The following CNTN1 variants were observed in gnomAD, a reference collection of about 807,000 sequenced individuals.
CNTN1 encodes contactin-1.
In CNTN1, 38 loss-of-function variants were observed where a neutral mutation model predicts 126.4. The ratio of observed to expected loss-of-function variants is 0.30; its 90% CI spans 0.23 to 0.39. CNTN1 has a LOEUF of 0.39. Ranked by LOEUF, CNTN1 falls within the 10% of genes least tolerant of loss-of-function variation. CNTN1 has a pLI of 1.00. For missense variants in CNTN1, 1,009 were observed against 1,248.4 expected (o/e 0.81, Z 2.89); for synonymous variants, 413 against 422.6 (o/e 0.98, Z 0.28).
In CNTN1 at chr12:40,908,453, C is replaced by T. The variant is rs757099160; in HGVS notation, c.21C>T (p.Val7=). MKMWLL[V]SHLVIISITT... ...ACAAGATGAAAATGTGGTTGCTGGT[C>T]AGTCATCTTGTGATAATATCTATTA... The change falls in exon 2 of 24, where the codon GTC becomes GTT. Residue 7 remains valine, a synonymous_variant. Coordinates refer to ENST00000551295, the MANE Select transcript of CNTN1 (RefSeq NM_001843.4). The T allele has an allele frequency of 5.0e-6, 8 of 1,612,694 alleles. No homozygotes were observed. The highest frequency in any genetic ancestry group is 2.2e-5 in the East Asian group (1 of 44,800).
chr12:40,921,720 A>G (rs1212221301), intron 4 of CNTN1, among the ~76,000 whole-genome samples: 2 of 152,124 alleles, frequency 1.3e-5, no homozygotes, highest in African/African-American at 4.8e-5. Context: ...TAAAAACCCA[A>G]CTGACTTTTA....
At chr12:40,886,655 T>G (rs1272424306) in intron 1 of CNTN1, among the ~76,000 whole-genome samples, 1 of 152,230 alleles carries the variant, frequency 6.6e-6, no homozygotes, top group African/African-American at 2.4e-5. Context: ...GCCTATGTCC[T>G]GAATGGTATT....
intron 23 of CNTN1, among the ~76,000 whole-genome samples, chr12:41,036,072 C>G (rs1949254262): frequency 6.6e-6 from 1 of 152,068 alleles, no homozygotes; most frequent in Non-Finnish European, 1.5e-5. Flanking sequence ...GAGACACAAT[C>G]AGAACAAGGC....
At chr12:40,766,383 A>T (rs958408788) in intron 1 of CNTN1, among the ~76,000 whole-genome samples, 6 of 119,048 alleles carry the variant, frequency 5.0e-5, no homozygotes, top group African/African-American at 2.4e-4. Flanking sequence ...AGAAAGAAAG[A>T]AAAAGCATTC....
At chr12:41,018,431 A>C (rs939140388) in intron 19 of CNTN1, among the ~76,000 whole-genome samples, 3 of 152,124 alleles carry the variant, frequency 2.0e-5, no homozygotes, top group African/African-American at 7.2e-5. Flanking sequence ...TATTAGTTTT[A>C]GTATTTGTTA....
At chr12:41,002,650 C>G (rs541900103) in intron 17 of CNTN1, among the ~76,000 whole-genome samples, 1 of 151,396 alleles carries the variant, frequency 6.6e-6, no homozygotes, top group Non-Finnish European at 1.5e-5. Context: ...CTCTGCCTCC[C>G]GGTTTAACGC....
intron 1 of CNTN1, among the ~76,000 whole-genome samples, chr12:40,737,449 C>G (rs773699511): frequency 1.3e-4 from 20 of 149,784 alleles, no homozygotes; most frequent in Non-Finnish European, 2.7e-4. Context: ...AGCTGAGGAG[C>G]AAGGAGAGCC....
chr12:40,906,108 A>G (rs1283167199), intron 1 of CNTN1, among the ~76,000 whole-genome samples: 4 of 152,072 alleles, frequency 2.6e-5, no homozygotes, highest in Non-Finnish European at 5.9e-5. Context: ...CGTCTCTACT[A>G]AAAATACAAA....
At chr12:40,968,099 G>A (rs1947372171) in intron 15 of CNTN1, among the ~76,000 whole-genome samples, 1 of 151,932 alleles carries the variant, frequency 6.6e-6, no homozygotes, top group African/African-American at 2.4e-5. Context: ...ATCTAATGAG[G>A]CTAAGTTAAT....
chr12:41,007,434 A>G (rs576281988), intron 17 of CNTN1, among the ~76,000 whole-genome samples: 1 of 152,326 alleles, frequency 6.6e-6, no homozygotes, highest in Admixed American at 6.5e-5. Flanking sequence ...CACCTGGGGT[A>G]TATACCCTGG....
intron 15 of CNTN1, chr12:40,972,606 A>T: frequency 1.2e-6 from 1 of 845,158 alleles, no homozygotes; most frequent in South Asian, 5.4e-5. Flanking sequence ...ATCATAAAGA[A>T]ATAAATGTCT....
intron 1 of CNTN1, among the ~76,000 whole-genome samples, chr12:40,905,070 A>G (rs1477146556): frequency 6.6e-6 from 1 of 152,252 alleles, no homozygotes; most frequent in Admixed American, 6.5e-5. Context: ...TGCAAGCTAA[A>G]GAATGGTTGA....
chr12:40,826,085 G>T (rs1353686314), intron 1 of CNTN1, among the ~76,000 whole-genome samples: 1 of 152,086 alleles, frequency 6.6e-6, no homozygotes, highest in African/African-American at 2.4e-5. Flanking sequence ...GTTGAATCAT[G>T]CCATTTTAGG....
At chr12:40,946,127 A>C (rs1314466047) in intron 14 of CNTN1, among the ~76,000 whole-genome samples, 1 of 152,176 alleles carries the variant, frequency 6.6e-6, no homozygotes, top group Non-Finnish European at 1.5e-5. Flanking sequence ...TCTATCTTTC[A>C]AACCAACACA....
At chr12:40,779,401 T>G (rs1165812103) in intron 1 of CNTN1, among the ~76,000 whole-genome samples, 2 of 151,868 alleles carry the variant, frequency 1.3e-5, no homozygotes, top group Non-Finnish European at 2.9e-5. Context: ...CCAAGGACAC[T>G]TATAATTTAA....
At chr12:40,804,518 C>T (rs941679083) in intron 1 of CNTN1, among the ~76,000 whole-genome samples, 1 of 151,914 alleles carries the variant, frequency 6.6e-6, no homozygotes, top group Non-Finnish European at 1.5e-5. Context: ...TGCCTGACCC[C>T]GTATTAGACT....
chr12:41,058,708 A>G (rs763210831), intron 23 of CNTN1, among the ~76,000 whole-genome samples: 1 of 152,184 alleles, frequency 6.6e-6, no homozygotes, highest in African/African-American at 2.4e-5. Context: ...TGAAAAATAT[A>G]TAAACAGAAC....
chr12:41,059,790 C>T (rs12297536), intron 23 of CNTN1, among the ~76,000 whole-genome samples: 1,672 of 152,114 alleles, frequency 0.011, 27 homozygotes, highest in African/African-American at 0.034. Context: ...TTTGCAGGGT[C>T]GAGGTGAGAG....
At position 40,993,220 on chromosome 12, in the gene CNTN1, T is replaced by A. The variant is rs1262237913; in HGVS notation, c.2064T>A (p.Gly688=). The change falls in exon 17 of 24, where the codon GGT becomes GGA. Residue 688 remains glycine, a synonymous_variant. Coordinates refer to ENST00000551295, the MANE Select transcript of CNTN1 (RefSeq NM_001843.4). ...GCGTGGTAGCAACCAATACACTGGGTAGAGGAGAGCCCAGTATACCATCTA... is the reference window on the plus strand; with the variant it reads ...GCGTGGTAGCAACCAATACACTGGGAAGAGGAGAGCCCAGTATACCATCTA... The part of the protein sequence containing the change: ...EFRVVATNTL[G]RGEPSIPSNR... 1.9e-6 allele frequency: 3 copies of A among 1,613,548 alleles called. No individual in the cohort carries two copies. Among genetic ancestry groups the A allele is most frequent in the Non-Finnish European group, 1.7e-6 (2 of 1,179,662 alleles).
Sources: gnomAD v4.1 joint callset for allele counts (sites outside exome capture counted in the v4.1 genomes callset) on GRCh38, gnomAD v4.1.1 for gene constraint, MANE v1.5 for transcripts, NCBI Gene and HGNC (gene_info 2026-07-23, HGNC 2026-07-21) for gene names.